Variants in ORC3 observed in about 807,000 individuals in gnomAD.
ORC3 encodes homolog of latheo, Drosophila.
Under a neutral mutation model 100.7 loss-of-function variants are expected in ORC3, and 78 were observed. The observed-to-expected ratio is 0.77, with a 90% confidence interval of 0.65 to 0.94. The LOEUF (loss-of-function observed/expected upper bound fraction) is 0.94. Ranked by LOEUF, ORC3 falls within the 40% of genes least tolerant of loss-of-function variation. The pLI, the probability that ORC3 is intolerant of heterozygous loss-of-function variation, is 0.00. For synonymous variants in ORC3, 295 were observed against 289.3 expected (o/e 1.02, Z -0.20); for missense variants, 789 against 823.9 (o/e 0.96, Z 0.52).
At chr6:87,599,939 C>T (rs568087132) in intron 2 of ORC3, among the ~76,000 whole-genome samples, 2 of 152,278 alleles carry the variant, frequency 1.3e-5, no homozygotes, top group Admixed American at 1.3e-4. Context: ...CACCACTTCA[C>T]TCCAGCCTGG....
chr6:87,590,199 G>C lies in ORC3; in HGVS notation c.24+7G>C, dbSNP rs779702385. The C allele has an allele frequency of 4.3e-6, 7 of 1,613,622 alleles. No individual in the cohort carries two copies. Among genetic ancestry groups the C allele is most frequent in the African/African-American group, 4.0e-5 (3 of 74,944 alleles). On this transcript the variant is annotated splice_region_variant and intron_variant, in intron 1 of 19. Transcript: ENST00000392844. ...TACGTCCTCGATGTCTAAGGTATGT[G>C]GTGGCCGATGCGCACTGTGGCTCTA...
chr6:87,656,794 A>G (rs1769736179), intron 14 of ORC3, 112 bp from the exon 15 acceptor site: 4 of 652,986 alleles, frequency 6.1e-6, no homozygotes, highest in Non-Finnish European at 1.1e-5. Context: ...ATCCCTTGCC[A>G]CATTAAAAAA....
At chr6:87,654,147 C>A (rs1035121584) in intron 14 of ORC3, among the ~76,000 whole-genome samples, 1 of 152,098 alleles carries the variant, frequency 6.6e-6, no homozygotes, top group South Asian at 2.1e-4. Context: ...TTTAAAATGT[C>A]TGTTTTAATC....
At chr6:87,675,745 T>C in the ORC3 span, 9 of 1,449,682 alleles carry the variant, frequency 6.2e-6, no homozygotes, top group South Asian at 9.5e-5. Context: ...ATTTCCTCCA[T>C]ACATTCTCAG....
rs397935596 is a variant in ORC3 at position 87,602,954 on chromosome 6, A to AATATATATAT, written c.178-422_178-413dup. Among the ~76,000 whole-genome samples, 528 of 95,158 alleles carry AATATATATAT rather than the reference A, an allele frequency of 5.5e-3. 22 individuals carry two copies. The highest frequency in any genetic ancestry group is 0.016 in the Middle Eastern group (3 of 190). The allele number at this position is 95,158 out of a possible 152,430, so 62.4% of individuals were successfully genotyped here. ...CGTTTATATATATATACACATATATAATATATATATATATATACATATATA... is the reference window on the plus strand; with the variant it reads ...CGTTTATATATATATACACATATATAATATATATATATATATATATATATATACATATATA... On this transcript the variant is annotated intron_variant, in intron 3 of 19. Coordinates refer to ENST00000392844, the MANE Select transcript of ORC3 (RefSeq NM_012381.4).
the ORC3 span, among the ~76,000 whole-genome samples, chr6:87,673,335 G>T: frequency 6.6e-6 from 1 of 151,774 alleles, no homozygotes; most frequent in Non-Finnish European, 1.5e-5. Context: ...TCTTAGCTGG[G>T]AACTGTTTTG....
rs371584444 is a variant in ORC3 at position 87,603,460 on chromosome 6, A to G, written c.254A>G (p.Gln85Arg). The change falls in exon 4 of 20, where the codon CAG becomes CGG. Residue 85 changes from glutamine to arginine, a missense_variant. Gln to Arg is a conservative substitution (Grantham distance 43). Around this residue, in one of 3 missense-constraint regions of ORC3, gnomAD observed 399 missense variants for 382.0 expected, o/e 1.04. Coordinates refer to ENST00000392844, the MANE Select transcript of ORC3 (RefSeq NM_012381.4). ...EFLQKSHSGF[Q>R]KNSRDLGGQI... ...CTGCAAAAATCACATTCTGGATTCC[A>G]GAAGAATTCAAGAGACTTGGGCGGT... The G allele has an allele frequency of 5.9e-6, 9 of 1,537,860 alleles. No homozygotes were observed. Among genetic ancestry groups the G allele is most frequent in the African/African-American group, 5.4e-5 (4 of 74,404 alleles).
rs561428588 is a variant in ORC3 at position 87,658,133 on chromosome 6, T to G, written c.1691+115T>G. ...CATTTTTCTCCTAGGTTAGGCTTTATGCTTTTCAGGTCTCTCCATCTAGCT... is the reference window on the plus strand; with the variant it reads ...CATTTTTCTCCTAGGTTAGGCTTTAGGCTTTTCAGGTCTCTCCATCTAGCT... On this transcript the variant is annotated intron_variant, in intron 16 of 19. Transcript: ENST00000392844. 1.3e-5 allele frequency: 8 copies of G among 600,014 alleles called. No individual in the cohort carries two copies. The African/African-American group carries it at 1.5e-4, about 11-fold the overall frequency. 37.2% of individuals were successfully genotyped at this position (600,014 alleles called of 1,614,324 possible).
intron 11 of ORC3, among the ~76,000 whole-genome samples, chr6:87,633,754 C>A (rs1180810124): frequency 1.3e-5 from 2 of 152,170 alleles, no homozygotes; most frequent in African/African-American, 4.8e-5. Context: ...ATATTGAAGA[C>A]CATGGCACAG....
chr6:87,675,268 GTT>G, the ORC3 span: 1 of 346,344 alleles, frequency 2.9e-6, no homozygotes, highest in Non-Finnish European at 5.3e-6. Flanking sequence ...TCATTCTACA[GTT>G]TTATTTACAC....
rs1308018450 is a variant in ORC3 at position 87,631,941 on chromosome 6, T to C, written c.1186-2904T>C. Among the ~76,000 whole-genome samples, 5 of 152,104 alleles carry C rather than the reference T, an allele frequency of 3.3e-5. No homozygotes were observed. The East Asian group carries it at 5.8e-4, about 18-fold the overall frequency. On this transcript the variant is annotated intron_variant, in intron 11 of 19. Coordinates refer to ENST00000392844, the MANE Select transcript of ORC3 (RefSeq NM_012381.4). ...ACTTTGGGAGGCCAAGGTGGGCAGA[T>C]CACTTGAGGTCAGAAGTTTGAGACC...
At chr6:87,661,406 A>T in intron 16 of ORC3, among the ~76,000 whole-genome samples, 1 of 152,098 alleles carries the variant, frequency 6.6e-6, no homozygotes, top group East Asian at 1.9e-4. Context: ...GTTCCAGTTG[A>T]CTCTGGAGAA....
At position 87,653,184 on chromosome 6, in the gene ORC3, A is replaced by G. The variant is rs202114121; in HGVS notation, c.1451A>G (p.Glu484Gly). 1 of 1,613,958 alleles carries G rather than the reference A, an allele frequency of 6.2e-7. No homozygotes were observed. The highest frequency in any genetic ancestry group is 8.5e-7 in the Non-Finnish European group (1 of 1,179,850). ...TTCAAGGTTTTTAAGTCTTATTGTG[A>G]AAACCACCTTGGCAGCACAGCTAAG... ...KCFKVFKSYC[E>G]NHLGSTAKRI... The change falls in exon 14 of 20, where the codon GAA becomes GGA. Residue 484 changes from glutamate to glycine, a missense_variant. Glu to Gly is a moderately conservative substitution (Grantham distance 98). This residue lies in a region of ORC3 where 366 missense variants were observed against 394.2 expected (regional missense o/e 0.93). Transcript: ENST00000392844.
intron 13 of ORC3, among the ~76,000 whole-genome samples, chr6:87,652,465 A>G (rs568018475): frequency 5.9e-5 from 9 of 152,340 alleles, no homozygotes; most frequent in African/African-American, 1.7e-4. Context: ...TGCCTGTGCT[A>G]TAAATAACAA....
In ORC3 at chr6:87,616,414, T is replaced by C. The variant is rs1779156609; in HGVS notation, c.974T>C (p.Ile325Thr). 1 of 1,386,842 alleles carries C rather than the reference T, an allele frequency of 7.2e-7. No homozygotes were observed. Among genetic ancestry groups the C allele is most frequent in the East Asian group, 2.3e-5 (1 of 43,660 alleles). 85.9% of individuals were successfully genotyped at this position (1,386,842 alleles called of 1,614,324 possible). ...LYHDFSVQNF[I>T]KGLQLSLLEH... The stretch of plus-strand genomic sequence containing the variant: ...CATGATTTCTCAGTTCAAAACTTTA[T>C]AAAAGGACTTCAGGTAAGAACACAG... The change falls in exon 9 of 20, where the codon ATA becomes ACA. Residue 325 changes from isoleucine to threonine, a missense_variant. This residue lies in a region of ORC3 where 399 missense variants were observed against 382.0 expected (regional missense o/e 1.04). Coordinates refer to ENST00000392844, the MANE Select transcript of ORC3 (RefSeq NM_012381.4).
intron 5 of ORC3, 80 bp from the exon 6 acceptor site, chr6:87,607,593 C>A: frequency 8.6e-7 from 1 of 1,157,022 alleles, no homozygotes; most frequent in Non-Finnish European, 1.2e-6. Flanking sequence ...AAGTAATACA[C>A]TCAGCAAGAA....
chr6:87,655,451 A>T (rs1769605441), intron 14 of ORC3, among the ~76,000 whole-genome samples: 1 of 151,064 alleles, frequency 6.6e-6, no homozygotes, highest in South Asian at 2.1e-4. Flanking sequence ...TCCCAGGCTC[A>T]AGTGATCCTC....
At chr6:87,668,348 A>G (rs2128298229), downstream of ORC3, among the ~76,000 whole-genome samples, 1 of 152,288 alleles carries the variant, frequency 6.6e-6, no homozygotes, top group Non-Finnish European at 1.5e-5. Flanking sequence ...CCATTATCCA[A>G]AATGCTTGGA....
intron 2 of ORC3, among the ~76,000 whole-genome samples, chr6:87,596,017 T>G (rs940771984): frequency 6.6e-6 from 1 of 150,766 alleles, no homozygotes; most frequent in Non-Finnish European, 1.5e-5. Context: ...TTTTTAAAAT[T>G]TTTTGTAGAG....
Sources: allele counts gnomAD v4.1 joint callset (sites outside exome capture counted in the v4.1 genomes callset), GRCh38; gene constraint gnomAD v4.1.1; regional missense constraint gnomAD v4.1.1; transcripts MANE v1.5; gene names NCBI Gene and HGNC (gene_info 2026-07-23, HGNC 2026-07-21).